MAPKBP1: variants seen among roughly 807,000 people sequenced by gnomAD.
The protein encoded by MAPKBP1 is mitogen-activated protein kinase binding protein 1.
In MAPKBP1, 71 loss-of-function variants were observed where a neutral mutation model predicts 170.5. The ratio of observed to expected loss-of-function variants is 0.42; its 90% CI spans 0.34 to 0.51. MAPKBP1 has a LOEUF of 0.51. Among genes scored for constraint, MAPKBP1 ranks in the 20% least tolerant of loss-of-function variants. MAPKBP1 has a pLI of 0.06. For missense variants in MAPKBP1, 1,598 were observed against 1,933.0 expected (o/e 0.83, Z 3.25); for synonymous variants, 719 against 757.9 (o/e 0.95, Z 0.84).
At chr15:41,810,748 A>G in intron 3 of MAPKBP1, 135 bp from the exon 4 acceptor site, 1 of 651,134 alleles carries the variant, frequency 1.5e-6, no homozygotes, top group Non-Finnish European at 2.7e-6. Context: ...AAGAAAAGGA[A>G]AAAAACAGTG....
rs538578848 is a variant in MAPKBP1, at chr15:41,774,999, T to C, written c.-109-168T>C. On this transcript the variant is annotated intron_variant, in intron 1 of 30. Coordinates refer to ENST00000457542, the MANE Select transcript of MAPKBP1 (RefSeq NM_014994.3). The stretch of plus-strand genomic sequence containing the variant: ...GGCATTTCTTCGTGGCTTAGGATTT[T>C]CCCCCCCTTTTTCGTGAGCCTTTCC... The C allele has an allele frequency of 1.2e-3, 596 of 476,912 alleles. 1 individual carries two copies. Among genetic ancestry groups the C allele is most frequent in the Non-Finnish European group, 1.3e-3 (353 of 271,472 alleles). The allele number at this position is 476,912 out of a possible 1,614,324, so 29.5% of individuals were successfully genotyped here.
chr15:41,814,363 G>A lies in MAPKBP1; in HGVS notation c.981-187G>A, dbSNP rs530255903. 1.6e-4 allele frequency among the ~76,000 whole-genome samples: 24 copies of A among 152,282 alleles called. 1 individual carries two copies. The highest frequency in any genetic ancestry group is 1.5e-3 in the Admixed American group (23 of 15,302). ...AAGCTGTGTTCATCCGAACACCATG[G>A]CCCAGCAGCTAGTGCTGGGTCAGGT... On this transcript the variant is annotated intron_variant, in intron 9 of 30. Coordinates refer to ENST00000457542, the MANE Select transcript of MAPKBP1 (RefSeq NM_014994.3).
Position 41,821,746 on chromosome 15 carries a change from A to C in MAPKBP1, c.2881A>C (p.Thr961Pro). The part of the protein sequence containing the change: ...PEPSDNPTMD[T>P]SEFQVQAPAR... ...GCCGAGTGACAACCCCACCATGGATACCAGGCAAGGATCCTGCCCTAGCCA... is the reference window on the plus strand; with the variant it reads ...GCCGAGTGACAACCCCACCATGGATCCCAGGCAAGGATCCTGCCCTAGCCA... Residue 961 changes from threonine (T) to proline (P), a missense_variant, in exon 24 of 31, where the codon ACC (threonine) becomes CCC (proline). Physicochemically the swap from Thr to Pro is conservative, Grantham distance 38. This residue lies in a region of MAPKBP1 where 942 missense variants were observed against 953.2 expected (regional missense o/e 0.99). Transcript: ENST00000457542. 1 of 1,613,372 alleles carries C rather than the reference A, an allele frequency of 6.2e-7. No homozygotes were observed. Among genetic ancestry groups the C allele is most frequent in the Non-Finnish European group, 8.5e-7 (1 of 1,179,926 alleles).
intron 6 of MAPKBP1, 37 bp from the exon 7 acceptor site, chr15:41,812,479 G>C (rs913203783): frequency 3.1e-6 from 5 of 1,613,952 alleles, no homozygotes; most frequent in African/African-American, 1.3e-5. Context: ...AGCTCCAAGA[G>C]ACAGAGCCTT....
rs781074866 is a variant in MAPKBP1, at chr15:41,822,686, GC to G, written c.3314+14del. On this transcript the variant is annotated intron_variant, in intron 27 of 30. Transcript: ENST00000457542. ...CAGACCCGCCCACTCAGGTACAGAG[GC>G]CCCCTACCCCCCAGCAGCAGCTCTG... 4 of 1,613,804 alleles carry G rather than the reference GC, an allele frequency of 2.5e-6. No individual in the cohort carries two copies. The highest frequency in any genetic ancestry group is 2.5e-6 in the Non-Finnish European group (3 of 1,179,818).
chr15:41,786,498 C>T (rs530359473), intron 2 of MAPKBP1, among the ~76,000 whole-genome samples: 8 of 151,866 alleles, frequency 5.3e-5, no homozygotes, highest in Admixed American at 2.6e-4. Flanking sequence ...GGCGTGGTGG[C>T]TCACACCTGT....
intron 2 of MAPKBP1, among the ~76,000 whole-genome samples, chr15:41,781,201 G>A (rs1455868204): frequency 2.6e-5 from 4 of 151,552 alleles, no homozygotes; most frequent in African/African-American, 9.7e-5. Context: ...TCAGCCTCCC[G>A]AGTAGCTGGG....
In MAPKBP1 at chr15:41,817,960, G is replaced by A; in HGVS notation, c.1905-49G>A. ...GCTGGCATTTCCATCCCCCAGGCGT[G>A]TTCCACCTTCACCGCCTCCTCATGA... On this transcript the variant is annotated intron_variant, in intron 16 of 30. Transcript: ENST00000457542. This position sits in a 1 kb window ranked among gnomAD's most constrained non-coding sequence, Gnocchi z 4.2. The A allele has an allele frequency of 6.3e-7, 1 of 1,587,050 alleles. No individual in the cohort carries two copies. The highest frequency in any genetic ancestry group is 1.1e-5 in the South Asian group (1 of 90,410).
At chr15:41,816,158 G>A (rs2064887527) in intron 12 of MAPKBP1, 1 of 321,658 alleles carries the variant, frequency 3.1e-6, no homozygotes, top group Non-Finnish European at 5.7e-6. Flanking sequence ...CTTCAAAAAC[G>A]TCAAGATCAT....
chr15:41,812,374 C>A, intron 6 of MAPKBP1, 142 bp from the exon 7 acceptor site: 1 of 1,261,322 alleles, frequency 7.9e-7, no homozygotes, highest in Non-Finnish European at 1.1e-6. Flanking sequence ...GATTATTTCC[C>A]TACCCCTCTT....
chr15:41,818,452 T>C lies in MAPKBP1; in HGVS notation c.2093-67T>C. The C allele has an allele frequency of 2.0e-6, 3 of 1,515,368 alleles. No individual in the cohort carries two copies. The highest frequency in any genetic ancestry group is 1.2e-5 in the South Asian group (1 of 85,540). The allele number at this position is 1,515,368 out of a possible 1,614,324, so 93.9% of individuals were successfully genotyped here. On this transcript the variant is annotated intron_variant, in intron 18 of 30. Coordinates refer to ENST00000457542, the MANE Select transcript of MAPKBP1 (RefSeq NM_014994.3). The surrounding 1 kb of genome is among the most constrained non-coding windows in gnomAD (Gnocchi z 5.2). ...CTGCAGCCAACCCCCGTGTCCACTG[T>C]TGGGATGGAGAGGACTTGGTTGGGA...
Position 41,820,869 on chromosome 15 carries a change from C to T in MAPKBP1, c.2519C>T (p.Ala840Val). ...GTGGGGTTCCTGGACCCAGCTCCTG[C>T]AGCCAACCCAGGACCCAGAAGAAGA... ...ESVGFLDPAP[A>V]ANPGPRRRGR... Residue 840 changes from alanine to valine, a missense_variant, in exon 23 of 31, where the codon GCA (alanine) becomes GTA (valine). Ala to Val is a moderately conservative substitution (Grantham distance 64, BLOSUM62 0). Coordinates refer to ENST00000457542, the MANE Select transcript of MAPKBP1 (RefSeq NM_014994.3). 1 of 1,614,010 alleles carries T rather than the reference C, an allele frequency of 6.2e-7. No homozygotes were observed. Among genetic ancestry groups the T allele is most frequent in the Non-Finnish European group, 8.5e-7 (1 of 1,179,950 alleles).
Position 41,817,280 on chromosome 15 carries a change from C to A in MAPKBP1, c.1712-108C>A. Reference sequence around the variant, plus strand: ...CCAGGTTTAATTTAGTTGGTTTTCCCTGGCATGTAGAGTAGCTTGATGGGG... The same window carrying A: ...CCAGGTTTAATTTAGTTGGTTTTCCATGGCATGTAGAGTAGCTTGATGGGG... On this transcript the variant is annotated intron_variant, in intron 14 of 30. Coordinates refer to ENST00000457542, the MANE Select transcript of MAPKBP1 (RefSeq NM_014994.3). This position sits in a 1 kb window ranked among gnomAD's most constrained non-coding sequence, Gnocchi z 4.2. The A allele has an allele frequency of 7.6e-7, 1 of 1,317,406 alleles. No individual in the cohort carries two copies. The highest frequency in any genetic ancestry group is 1.2e-5 in the South Asian group (1 of 81,188). 81.6% of individuals were successfully genotyped at this position (1,317,406 alleles called of 1,614,324 possible). A position where few individuals can be genotyped will look rare whatever the true frequency, so the allele number is the denominator to read the frequency against.
At chr15:41,779,038 T>C (rs977836723) in intron 2 of MAPKBP1, among the ~76,000 whole-genome samples, 1 of 152,226 alleles carries the variant, frequency 6.6e-6, no homozygotes, top group East Asian at 1.9e-4. Flanking sequence ...CTTTCTCTAT[T>C]TGTTTCCCCA....
At chr15:41,822,900 A>G (rs915261296) in intron 27 of MAPKBP1, 39 bp from the exon 28 acceptor site, 5 of 1,569,580 alleles carry the variant, frequency 3.2e-6, no homozygotes, top group Non-Finnish European at 4.3e-6. Flanking sequence ...AGGAGCATTG[A>G]GCCTTCTCTG....
At chr15:41,792,056 A>G (rs1330792359) in intron 2 of MAPKBP1, among the ~76,000 whole-genome samples, 1 of 134,716 alleles carries the variant, frequency 7.4e-6, no homozygotes, top group African/African-American at 3.0e-5. Flanking sequence ...ACTCCATCTC[A>G]AAAAAAAAAA....
chr15:41,820,990 C>T lies in MAPKBP1; in HGVS notation c.2640C>T (p.Ser880=). The change falls in exon 23 of 31, where the codon AGC becomes AGT. Residue 880 remains serine (S), a synonymous_variant. Coordinates refer to ENST00000457542, the MANE Select transcript of MAPKBP1 (RefSeq NM_014994.3). ...TGGCCCCAAGCCTGCAGGACCCTAG[C>T]CAGGACTCGCTGGCCATCATCCCAT... ...ETLAPSLQDP[S]QDSLAIIPSG... 1 of 1,614,184 alleles carries T rather than the reference C, an allele frequency of 6.2e-7. No homozygotes were observed. The highest frequency in any genetic ancestry group is 8.5e-7 in the Non-Finnish European group (1 of 1,180,034).
At position 41,811,175 on chromosome 15, in the gene MAPKBP1, C is replaced by T. The variant is rs1567147551; in HGVS notation, c.270-3C>T. ...CCCTCTGAGCCTGCCCCATCTCTTG[C>T]AGGAAAACCATCACTGCCCTTGCCT... On this transcript the variant is annotated splice_region_variant and splice_polypyrimidine_tract_variant and intron_variant, in intron 4 of 30. Transcript: ENST00000457542. The T allele has an allele frequency of 1.2e-6, 2 of 1,614,194 alleles. No homozygotes were observed. Among genetic ancestry groups the T allele is most frequent in the Non-Finnish European group, 1.7e-6 (2 of 1,180,026 alleles).
At chr15:41,798,179 G>A (rs2064525923) in intron 2 of MAPKBP1, among the ~76,000 whole-genome samples, 1 of 146,820 alleles carries the variant, frequency 6.8e-6, no homozygotes, top group Non-Finnish European at 1.5e-5. Flanking sequence ...GAACCCGGGA[G>A]GTGGAGCTTG....
Sources: gnomAD v4.1 joint callset for allele counts (sites outside exome capture counted in the v4.1 genomes callset) on GRCh38, gnomAD v4.1.1 for gene constraint, gnomAD v4.1.1 regional missense constraint, Gnocchi (gnomAD v3.1) non-coding constraint, MANE v1.5 for transcripts, NCBI Gene and HGNC (gene_info 2026-07-23, HGNC 2026-07-21) for gene names.